The following SP140 variants were observed in gnomAD, a reference collection of about 807,000 sequenced individuals.
SP140 encodes SP140 nuclear body protein, also known as nuclear body protein SP140.
A neutral mutation model predicts 125.0 loss-of-function variants in SP140; 81 were observed. The ratio of observed to expected loss-of-function variants is 0.65; its 90% CI spans 0.54 to 0.78. SP140 has a LOEUF of 0.78. SP140 is among the 30% of genes least tolerant of loss of function. The pLI is 0.00. For synonymous variants in SP140, 312 were observed against 354.0 expected (o/e 0.88, Z 1.33); for missense variants, 858 against 1,037.0 (o/e 0.83, Z 2.37).
At chr2:230,274,507 C>T (rs1215836988) in intron 15 of SP140, among the ~76,000 whole-genome samples, 1 of 152,190 alleles carries the variant, frequency 6.6e-6, no homozygotes, top group Admixed American at 6.5e-5. Context: ...CTGGAAAAGG[C>T]TCCTCTGTGG....
rs545608850 is a variant in SP140 at position 230,240,610 on chromosome 2, G to A, written c.407-794G>A. Among the ~76,000 whole-genome samples, 21 of 152,302 alleles carry A rather than the reference G, an allele frequency of 1.4e-4. 1 individual carries two copies. The South Asian group carries it at 1.9e-3, about 14-fold the overall frequency. ...GAAATGCAAATTAAAGTTATAGTGA[G>A]ATATCATTCACTCACTAGAATTGCT... On this transcript the variant is annotated intron_variant, in intron 3 of 26. Transcript: ENST00000392045.
intron 9 of SP140, among the ~76,000 whole-genome samples, chr2:230,250,733 G>C (rs1407963261): frequency 6.6e-6 from 1 of 152,194 alleles, no homozygotes; most frequent in Admixed American, 6.5e-5. Context: ...CCTAGGAAAG[G>C]GGGAGGGGGA....
intron 22 of SP140, among the ~76,000 whole-genome samples, chr2:230,307,986 TATATACAC>T (rs1316625700): frequency 0.033 from 2,819 of 85,168 alleles, 40 homozygotes; most frequent in African/African-American, 0.058. Context: ...TATATATATA[TATATACAC>T]ACACACACAC....
chr2:230,278,061 GTT>G (rs1451434264), intron 15 of SP140, among the ~76,000 whole-genome samples: 1 of 152,018 alleles, frequency 6.6e-6, no homozygotes, highest in African/African-American at 2.4e-5. Flanking sequence ...CCTCCATACT[GTT>G]TTCCATAATG....
intron 12 of SP140, among the ~76,000 whole-genome samples, chr2:230,268,948 C>T (rs1485813049): frequency 6.6e-6 from 1 of 152,162 alleles, no homozygotes; most frequent in Non-Finnish European, 1.5e-5. Context: ...AAGCAAGGCA[C>T]CTAGTGGGAG....
intron 3 of SP140, chr2:230,217,043 T>G: frequency 1.3e-6 from 1 of 774,994 alleles, no homozygotes; most frequent in Non-Finnish European, 2.1e-6. Context: ...GTCAAGAGAT[T>G]GAGACCATCC....
chr2:230,186,563 G>A, the SP140 span, among the ~76,000 whole-genome samples: 1 of 152,140 alleles, frequency 6.6e-6, no homozygotes, highest in African/African-American at 2.4e-5. Context: ...TTACATGGAT[G>A]AATTATATAA....
intron 21 of SP140, among the ~76,000 whole-genome samples, chr2:230,295,006 A>T (rs1338717579): frequency 6.6e-6 from 1 of 152,194 alleles, no homozygotes; most frequent in Non-Finnish European, 1.5e-5. Flanking sequence ...TTTTATGTTG[A>T]TGCCACCTCT....
intron 12 of SP140, among the ~76,000 whole-genome samples, chr2:230,266,174 G>A (rs2053097714): frequency 6.6e-6 from 1 of 152,142 alleles, no homozygotes; most frequent in Non-Finnish European, 1.5e-5. Context: ...GGGAAACTCT[G>A]AAGACATTGT....
chr2:230,250,053 G>A (rs1236397550), intron 9 of SP140, among the ~76,000 whole-genome samples: 1 of 152,146 alleles, frequency 6.6e-6, no homozygotes, highest in Non-Finnish European at 1.5e-5. Flanking sequence ...ATGTCTTTCA[G>A]GAACTACACA....
At chr2:230,316,202 C>T (rs1429357935), downstream of SP140, among the ~76,000 whole-genome samples, 3 of 152,168 alleles carry the variant, frequency 2.0e-5, no homozygotes, top group African/African-American at 7.2e-5. Flanking sequence ...CTTACTAAAT[C>T]ACAAACACTG....
intron 15 of SP140, among the ~76,000 whole-genome samples, chr2:230,273,432 G>C (rs1167278387): frequency 6.6e-6 from 1 of 152,026 alleles, no homozygotes; most frequent in Non-Finnish European, 1.5e-5. Context: ...ATTATTAAAA[G>C]GTCTAAAAAC....
At chr2:230,270,481 C>T (rs1046796106) in intron 14 of SP140, 105 bp from the exon 15 acceptor site, 2 of 1,143,564 alleles carry the variant, frequency 1.7e-6, no homozygotes, top group Non-Finnish European at 2.5e-6. Context: ...AATGATTATC[C>T]AAGCATCTGT....
intron 14 of SP140, 99 bp from the exon 15 acceptor site, chr2:230,270,487 T>G: frequency 8.5e-7 from 1 of 1,179,226 alleles, no homozygotes; most frequent in East Asian, 2.4e-5. Flanking sequence ...TATCCAAGCA[T>G]CTGTATAAAC....
chr2:230,269,377 A>G (rs1222104093), intron 12 of SP140, among the ~76,000 whole-genome samples, 155 bp from the exon 13 acceptor site: 1 of 152,186 alleles, frequency 6.6e-6, no homozygotes, highest in Non-Finnish European at 1.5e-5. Flanking sequence ...TGGCTCTGTT[A>G]TGTGTCAAAT....
At chr2:230,223,002 T>C (rs1160220657), upstream of SP140, among the ~76,000 whole-genome samples, 1 of 151,864 alleles carries the variant, frequency 6.6e-6, no homozygotes, top group Non-Finnish European at 1.5e-5. Context: ...ATCCTGCTCA[T>C]CCTGTCTGAT....
upstream of SP140, among the ~76,000 whole-genome samples, chr2:230,223,300 G>T (rs1384667348): frequency 6.6e-6 from 1 of 152,156 alleles, no homozygotes; most frequent in Non-Finnish European, 1.5e-5. Flanking sequence ...CTCCCGAAGT[G>T]CTGGGGTTAT....
At chr2:230,277,647 A>T (rs533560453) in intron 15 of SP140, among the ~76,000 whole-genome samples, 4 of 152,102 alleles carry the variant, frequency 2.6e-5, no homozygotes, top group Non-Finnish European at 5.9e-5. Context: ...TTGCAAATAT[A>T]TTGTCCACCT....
intron 21 of SP140, among the ~76,000 whole-genome samples, chr2:230,295,081 TGAA>T (rs2057553872): frequency 6.6e-6 from 1 of 152,228 alleles, no homozygotes; most frequent in South Asian, 2.1e-4. Context: ...TTCCCTCTCT[TGAA>T]GAATGCAACA....
Sources: gnomAD v4.1 joint callset for allele counts (sites outside exome capture counted in the v4.1 genomes callset) on GRCh38, gnomAD v4.1.1 for gene constraint, MANE v1.5 for transcripts, NCBI Gene and HGNC (gene_info 2026-07-23, HGNC 2026-07-21) for gene names.